POC1A: variants seen among roughly 807,000 people sequenced by gnomAD.
The protein encoded by POC1A is POC1 centriolar protein homolog A.
POC1A carries 34 observed loss-of-function variants against 47.8 expected under a neutral mutation model. That is an observed-to-expected ratio of 0.71 (90% CI 0.54 to 0.95). The LOEUF (loss-of-function observed/expected upper bound fraction) is 0.95, where lower values mean the gene tolerates loss of function less well. Among genes scored for constraint, POC1A ranks in the 40% least tolerant of loss-of-function variants. The probability of loss-of-function intolerance (pLI) is 0.00; values close to 1 mark genes in which losing one functional copy is unlikely to be tolerated. For missense variants in POC1A, 466 were observed against 528.3 expected (o/e 0.88, Z 1.16); for synonymous variants, 177 against 207.6 (o/e 0.85, Z 1.27).
chr3:52,110,777 G>A (rs1703352699), intron 9 of POC1A, among the ~76,000 whole-genome samples: 1 of 152,226 alleles, frequency 6.6e-6, no homozygotes, highest in Non-Finnish European at 1.5e-5. Flanking sequence ...GTGCCTTGTA[G>A]GAAAGCATCA....
chr3:52,106,692 G>A lies in POC1A; in HGVS notation c.982-9980C>T, dbSNP rs115691889. ...GGTCCCTTTGAGGCAGGGATCACAG[G>A]TGCCTGTCATCCTATTTCACCTGTG... On this transcript the variant is annotated intron_variant, in intron 9 of 10. Coordinates refer to ENST00000296484, the MANE Select transcript of POC1A (RefSeq NM_015426.5). 7.2e-3 allele frequency among the ~76,000 whole-genome samples: 1,094 copies of A among 152,288 alleles called. 15 individuals are homozygous for A. The highest frequency in any genetic ancestry group is 0.025 in the African/African-American group (1,030 of 41,548).
intron 6 of POC1A, among the ~76,000 whole-genome samples, chr3:52,141,530 C>T (rs1451122866): frequency 4.6e-5 from 7 of 152,208 alleles, no homozygotes; most frequent in Non-Finnish European, 1.0e-4. Context: ...GCAAAGGACA[C>T]CCAAAACACT....
At chr3:52,100,140 C>A (rs1702947703) in intron 9 of POC1A, among the ~76,000 whole-genome samples, 1 of 152,208 alleles carries the variant, frequency 6.6e-6, no homozygotes, top group Non-Finnish European at 1.5e-5. Flanking sequence ...TTTTCATACA[C>A]CACCAGGAGC....
chr3:52,113,326 GCTCCTGGAT>G (rs1237554671), intron 9 of POC1A, among the ~76,000 whole-genome samples: 2 of 152,214 alleles, frequency 1.3e-5, no homozygotes, highest in African/African-American at 2.4e-5. Context: ...CATCTTTGGT[GCTCCTGGAT>G]CTTGCGAACA....
chr3:52,139,492 G>A (rs756909952), intron 6 of POC1A, among the ~76,000 whole-genome samples: 6 of 152,160 alleles, frequency 3.9e-5, no homozygotes, highest in Non-Finnish European at 8.8e-5. Flanking sequence ...GGGCCTGGGA[G>A]ACTCTTGCCC....
intron 10 of POC1A, among the ~76,000 whole-genome samples, chr3:52,081,205 A>G (rs1559806804): frequency 6.6e-6 from 1 of 152,208 alleles, no homozygotes; most frequent in Non-Finnish European, 1.5e-5. Flanking sequence ...CTTTGTGTAA[A>G]TAAGGTTTTA....
At chr3:52,077,960 T>A (rs1457310588) in intron 10 of POC1A, among the ~76,000 whole-genome samples, 1 of 152,070 alleles carries the variant, frequency 6.6e-6, no homozygotes, top group Admixed American at 6.5e-5. Flanking sequence ...CCACTAAATG[T>A]GTCTAAATTA....
chr3:52,153,940 C>A, intron 1 of POC1A, among the ~76,000 whole-genome samples: 1 of 152,252 alleles, frequency 6.6e-6, no homozygotes, highest in East Asian at 1.9e-4. Flanking sequence ...ACACTGCAGG[C>A]CCGGGCATCC....
intron 9 of POC1A, among the ~76,000 whole-genome samples, chr3:52,103,355 C>T (rs900283266): frequency 5.9e-5 from 9 of 152,144 alleles, no homozygotes; most frequent in African/African-American, 1.9e-4. Context: ...GGCAACACCA[C>T]GTCTCTACTA....
intron 10 of POC1A, among the ~76,000 whole-genome samples, chr3:52,094,099 G>A (rs531708188): frequency 3.3e-5 from 5 of 152,340 alleles, no homozygotes; most frequent in African/African-American, 1.2e-4. Flanking sequence ...GGGAGGGAAG[G>A]GATGGTGGAG....
At chr3:52,149,620 G>C (rs1698486218) in intron 3 of POC1A, among the ~76,000 whole-genome samples, 196 bp downstream of exon 3, 1 of 152,166 alleles carries the variant, frequency 6.6e-6, no homozygotes, top group African/African-American at 2.4e-5. Context: ...GGATAGATTG[G>C]GTAAGCCCAG....
rs1481522656 is a variant in POC1A at position 52,084,706 on chromosome 3, T to C, written c.1126-8721A>G. On this transcript the variant is annotated intron_variant, in intron 10 of 10. Coordinates refer to ENST00000296484, the MANE Select transcript of POC1A (RefSeq NM_015426.5). The surrounding 1 kb of genome is among the most constrained non-coding windows in gnomAD (Gnocchi z 4.3). ...GCAGCCCCTCTTCCCAGGGGCCTCC[T>C]GCTCACCTTGGCCAGGGCCCTTCCC... is the stretch of plus-strand genomic sequence containing the variant. Among the ~76,000 whole-genome samples the C allele has an allele frequency of 6.6e-6, 1 of 152,216 alleles. No individual in the cohort carries two copies. The highest frequency in any genetic ancestry group is 1.5e-5 in the Non-Finnish European group (1 of 68,036).
Position 52,084,335 on chromosome 3 carries a change from G to C in POC1A, c.1126-8350C>G, listed in dbSNP as rs550863577. Among the ~76,000 whole-genome samples, 1 of 152,186 alleles carries C rather than the reference G, an allele frequency of 6.6e-6. No individual in the cohort carries two copies. The highest frequency in any genetic ancestry group is 2.4e-5 in the African/African-American group (1 of 41,434). ...CCCTCATGCACTCATGGGCAAACAT[G>C]GCAGGGAAGCTGGAGCCGTAACTTC... On this transcript the variant is annotated intron_variant, in intron 10 of 10. Transcript: ENST00000296484. This position sits in a 1 kb window ranked among gnomAD's most constrained non-coding sequence, Gnocchi z 4.3.
intron 9 of POC1A, among the ~76,000 whole-genome samples, chr3:52,118,013 G>C (rs1703632574): frequency 6.6e-6 from 1 of 152,162 alleles, no homozygotes; most frequent in Admixed American, 6.5e-5. Context: ...AAGAATAGAG[G>C]GGCCAGGGCT....
chr3:52,122,574 G>A, intron 8 of POC1A, 97 bp from the exon 9 acceptor site: 1 of 782,190 alleles, frequency 1.3e-6, no homozygotes, highest in Admixed American at 1.9e-5. Context: ...CCAAAGTTCT[G>A]AGCCATGGTG....
chr3:52,112,787 G>A (rs1006081927), intron 9 of POC1A, among the ~76,000 whole-genome samples: 3 of 152,160 alleles, frequency 2.0e-5, no homozygotes, highest in Non-Finnish European at 2.9e-5. Context: ...TACCCACGAC[G>A]AGTCATAGAA....
intron 9 of POC1A, among the ~76,000 whole-genome samples, chr3:52,106,909 A>C (rs906826119): frequency 2.6e-5 from 4 of 152,242 alleles, no homozygotes; most frequent in Non-Finnish European, 5.9e-5. Context: ...TCCCCCACAC[A>C]AAGGGGTGAT....
intron 10 of POC1A, among the ~76,000 whole-genome samples, chr3:52,088,889 T>C (rs1702551114): frequency 8.6e-6 from 1 of 116,694 alleles, no homozygotes; most frequent in African/African-American, 3.3e-5. Context: ...CCCTCCCCCA[T>C]CTCCAAGCCA....
intron 10 of POC1A, among the ~76,000 whole-genome samples, chr3:52,078,718 C>A (rs1702194867): frequency 6.6e-6 from 1 of 152,148 alleles, no homozygotes; most frequent in African/African-American, 2.4e-5. Flanking sequence ...TCACCGTGGT[C>A]TCGATCTCCT....
Sources: allele counts gnomAD v4.1 joint callset (sites outside exome capture counted in the v4.1 genomes callset), GRCh38; gene constraint gnomAD v4.1.1; non-coding constraint Gnocchi (gnomAD v3.1); transcripts MANE v1.5; gene names NCBI Gene and HGNC (gene_info 2026-07-23, HGNC 2026-07-21).